Variants in TFAP2C observed in about 807,000 individuals in gnomAD.
TFAP2C encodes transcription factor AP-2 gamma.
Under a neutral mutation model 42.9 loss-of-function variants are expected in TFAP2C, and 9 were observed. That is an observed-to-expected ratio of 0.21 (90% CI 0.13 to 0.37). The LOEUF is 0.37. TFAP2C is among the 10% of genes least tolerant of loss of function. The pLI is 1.00. For missense variants in TFAP2C, 462 were observed against 591.7 expected (o/e 0.78, Z 2.27); for synonymous variants, 264 against 256.0 (o/e 1.03, Z -0.30).
intron 5 of TFAP2C, among the ~76,000 whole-genome samples, chr20:56,635,335 C>T (rs564923304): frequency 1.3e-5 from 2 of 152,210 alleles, no homozygotes; most frequent in African/African-American, 2.4e-5. Context: ...CCCAGGGGGC[C>T]CCTCCACCAT....
In TFAP2C at chr20:56,636,692, C is replaced by G. The variant is rs766003792; in HGVS notation, c.1005C>G (p.Thr335=). Residue 335 remains threonine (T), a synonymous_variant, in exon 6 of 7, where the codon ACC becomes ACG. Transcript: ENST00000201031. The part of the protein sequence containing the change: ...FPSKPVAEYL[T]RPHLGGRNEM... Reference sequence around the variant, plus strand: ...GTAAACCAGTGGCAGAATATTTAACCAGACCTCATCTTGGAGGACGAAATG... The same window carrying G: ...GTAAACCAGTGGCAGAATATTTAACGAGACCTCATCTTGGAGGACGAAATG... The G allele has an allele frequency of 6.2e-6, 10 of 1,614,080 alleles. No individual in the cohort carries two copies. In the South Asian group the frequency reaches 8.8e-5, roughly 14 times the overall value.
In TFAP2C at chr20:56,629,436, G is replaced by GGGCGGC. The variant is rs1411147599; in HGVS notation, c.-105_-100dup. Reference sequence around the variant, plus strand: ...GGACAGCAAGGCCCGCGCGCGGCGGGGGCGGCGGCAGACGCCTGGTCACCG... The same window carrying GGGCGGC: ...GGACAGCAAGGCCCGCGCGCGGCGGGGGCGGCGGCGGCGGCAGACGCCTGGTCACCG... On this transcript the variant is annotated 5_prime_UTR_variant, in exon 1 of 7. Coordinates refer to ENST00000201031, the MANE Select transcript of TFAP2C (RefSeq NM_003222.4). This position sits in a 1 kb window ranked among gnomAD's most constrained non-coding sequence, Gnocchi z 5.9. 1.4e-5 allele frequency: 14 copies of GGGCGGC among 1,027,418 alleles called. No homozygotes were observed. Among genetic ancestry groups the GGGCGGC allele is most frequent in the Non-Finnish European group, 1.7e-5 (13 of 763,708 alleles). The allele number at this position is 1,027,418 out of a possible 1,614,324, so 63.6% of individuals were successfully genotyped here. A position where few individuals can be genotyped will look rare whatever the true frequency, so the allele number is the denominator to read the frequency against.
At position 56,634,239 on chromosome 20, in the gene TFAP2C, A is replaced by T; in HGVS notation, c.893A>T (p.His298Leu). 6.2e-7 allele frequency: 1 copy of T among 1,614,082 alleles called. No individual in the cohort carries two copies. The highest frequency in any genetic ancestry group is 1.1e-5 in the South Asian group (1 of 91,082). ...CCGGCCGGGAGGCGGAAAGCCGCTCATGTGACTCTCCTGACATCCTTAGTA... is the reference window on the plus strand; with the variant it reads ...CCGGCCGGGAGGCGGAAAGCCGCTCTTGTGACTCTCCTGACATCCTTAGTA... ...NLPAGRRKAA[H>L]VTLLTSLVEG... The change falls in exon 5 of 7, where the codon CAT (histidine) becomes CTT (leucine). Residue 298 changes from histidine (H) to leucine (L), a missense_variant. Physicochemically the swap from His to Leu is moderately conservative, Grantham distance 99. Transcript: ENST00000201031.
chr20:56,638,245 T>G lies in TFAP2C; in HGVS notation c.*232T>G, dbSNP rs1435163665. 5.3e-5 allele frequency: 25 copies of G among 468,450 alleles called. No homozygotes were observed. Among genetic ancestry groups the G allele is most frequent in the Non-Finnish European group, 7.5e-6 (2 of 266,534 alleles). 29.0% of individuals were successfully genotyped at this position (468,450 alleles called of 1,614,324 possible). A position where few individuals can be genotyped will look rare whatever the true frequency, so the allele number is the denominator to read the frequency against. Reference sequence around the variant, plus strand: ...CCTATTATCAGAAGGTGACAAGTACTGGCTCTTTATTCATTAAGCTTTTTT... The same window carrying G: ...CCTATTATCAGAAGGTGACAAGTACGGGCTCTTTATTCATTAAGCTTTTTT... On this transcript the variant is annotated 3_prime_UTR_variant, in exon 7 of 7. Transcript: ENST00000201031.
Position 56,633,541 on chromosome 20 carries a change from G to A in TFAP2C, c.775G>A (p.Ala259Thr). Residue 259 changes from alanine (A) to threonine (T), a missense_variant, in exon 4 of 7, where the codon GCC becomes ACC. By Grantham distance (58) the Ala-to-Thr change is moderately conservative. Coordinates refer to ENST00000201031, the MANE Select transcript of TFAP2C (RefSeq NM_003222.4). ...RRLSPPECLNASLLGGVLRRA... is the reference protein window; with the variant it reads ...RRLSPPECLNTSLLGGVLRRA... The stretch of plus-strand genomic sequence containing the variant: ...ACTGTCCCCACCTGAATGCTTAAAT[G>A]CCTCGTTACTGGGAGGTGTTCTCAG... 1.2e-6 allele frequency: 2 copies of A among 1,614,142 alleles called. No individual in the cohort carries two copies. The highest frequency in any genetic ancestry group is 1.7e-6 in the Non-Finnish European group (2 of 1,180,012).
intron 5 of TFAP2C, among the ~76,000 whole-genome samples, chr20:56,635,522 T>G (rs1987567904): frequency 6.6e-6 from 1 of 152,040 alleles, no homozygotes; most frequent in African/African-American, 2.4e-5. Context: ...AAAAGAAACA[T>G]TCTAGAGATC....
intron 3 of TFAP2C, among the ~76,000 whole-genome samples, chr20:56,632,207 G>C (rs1987506434): frequency 6.6e-6 from 1 of 152,238 alleles, no homozygotes; most frequent in African/African-American, 2.4e-5. Context: ...CCTTCGTTGA[G>C]TGGTTGGTTC....
chr20:56,634,817 C>T (rs1398488505), intron 5 of TFAP2C, among the ~76,000 whole-genome samples: 1 of 152,206 alleles, frequency 6.6e-6, no homozygotes, highest in Non-Finnish European at 1.5e-5. Flanking sequence ...CGCACAAGTT[C>T]CTCTTGCCAG....
In TFAP2C at chr20:56,631,671, A is replaced by G. The variant is rs1259446113; in HGVS notation, c.515A>G (p.His172Arg). The G allele has an allele frequency of 6.3e-7, 1 of 1,588,992 alleles. No homozygotes were observed. Among genetic ancestry groups the G allele is most frequent in the Non-Finnish European group, 8.5e-7 (1 of 1,170,036 alleles). Residue 172 changes from histidine (H) to arginine (R), a missense_variant, in exon 2 of 7, where the codon CAC becomes CGC. By Grantham distance (29) the His-to-Arg change is conservative. Around this residue, in one of 5 missense-constraint regions of TFAP2C, gnomAD observed 271 missense variants for 269.7 expected, o/e 1.00. Coordinates refer to ENST00000201031, the MANE Select transcript of TFAP2C (RefSeq NM_003222.4). The surrounding 1 kb of genome is among the most constrained non-coding windows in gnomAD (Gnocchi z 6.1). ...AENLGLHDMP[H>R]QMDEVQNVDD... ...AACCTGGGGCTCCACGACATGCCTC[A>G]CCAGATGGACGAGGTGCAGGTGAGC...
intron 6 of TFAP2C, among the ~76,000 whole-genome samples, chr20:56,637,493 C>G (rs550902407): frequency 6.6e-6 from 1 of 152,224 alleles, no homozygotes; most frequent in African/African-American, 2.4e-5. Context: ...ATCCTGTTGT[C>G]TTTTCTAATT....
rs1987626538 is a variant in TFAP2C, at chr20:56,638,394, A to G, written c.*381A>G. On this transcript the variant is annotated 3_prime_UTR_variant, in exon 7 of 7. Transcript: ENST00000201031. Reference sequence around the variant, plus strand: ...TTGAAATGTCAAATTGATGTGCCCTAGATCAACAGATCAACAATACCTTTT... The same window carrying G: ...TTGAAATGTCAAATTGATGTGCCCTGGATCAACAGATCAACAATACCTTTT... The G allele has an allele frequency of 5.6e-6, 1 of 177,170 alleles. No individual in the cohort carries two copies. The highest frequency in any genetic ancestry group is 1.2e-5 in the Non-Finnish European group (1 of 82,544). 11.0% of individuals were successfully genotyped at this position (177,170 alleles called of 1,614,324 possible). A position where few individuals can be genotyped will look rare whatever the true frequency, so the allele number is the denominator to read the frequency against.
Position 56,633,345 on chromosome 20 carries a change from A to G in TFAP2C, c.587-8A>G. The G allele has an allele frequency of 6.2e-7, 1 of 1,608,482 alleles. No homozygotes were observed. The highest frequency in any genetic ancestry group is 8.5e-7 in the Non-Finnish European group (1 of 1,176,538). On this transcript the variant is annotated splice_region_variant and splice_polypyrimidine_tract_variant and intron_variant, in intron 3 of 6. Transcript: ENST00000201031. ...CTTGTGACTGCCAGCTCTGACCTTC[A>G]TTCACAGGTCCCATTTCCATGACCA...
In TFAP2C at chr20:56,629,721, C is replaced by T; in HGVS notation, c.48+129C>T. 2 of 615,428 alleles carry T rather than the reference C, an allele frequency of 3.2e-6. No homozygotes were observed. Among genetic ancestry groups the T allele is most frequent in the Non-Finnish European group, 4.9e-6 (2 of 411,264 alleles). 38.1% of individuals were successfully genotyped at this position (615,428 alleles called of 1,614,324 possible). On this transcript the variant is annotated intron_variant, in intron 1 of 6. Transcript: ENST00000201031. This position sits in a 1 kb window ranked among gnomAD's most constrained non-coding sequence, Gnocchi z 5.9. ...CTCGGTGGGACGGGATCCACTTCTCCGGACACCCCTTAGTCCATTTCTGCG... is the reference window on the plus strand; with the variant it reads ...CTCGGTGGGACGGGATCCACTTCTCTGGACACCCCTTAGTCCATTTCTGCG...
intron 4 of TFAP2C, among the ~76,000 whole-genome samples, chr20:56,633,806 C>T (rs1987538071): frequency 6.6e-6 from 1 of 152,118 alleles, no homozygotes; most frequent in African/African-American, 2.4e-5. Context: ...GAAGTGATAG[C>T]ATCTGTATTG....
intron 5 of TFAP2C, among the ~76,000 whole-genome samples, chr20:56,634,832 A>G (rs1414097209): frequency 6.6e-6 from 1 of 152,228 alleles, no homozygotes; most frequent in Non-Finnish European, 1.5e-5. Flanking sequence ...TGCCAGTGCT[A>G]AGATAGTAGG....
intron 5 of TFAP2C, 61 bp downstream of exon 5, chr20:56,634,329 T>A: frequency 1.6e-6 from 2 of 1,228,016 alleles, no homozygotes; most frequent in Non-Finnish European, 2.4e-6. Flanking sequence ...TCTTTAATAC[T>A]TATTGCAGAA....
chr20:56,637,644 G>A (rs1568753570), intron 6 of TFAP2C, 84 bp from the exon 7 acceptor site: 21 of 1,397,366 alleles, frequency 1.5e-5, no homozygotes, highest in East Asian at 6.9e-5. Context: ...CCTCCCGGGC[G>A]CCAGCCTCAG....
In TFAP2C at chr20:56,630,696, A is replaced by C. The variant is rs990437025; in HGVS notation, c.49-509A>C. ...GGAGGTCTTTGTCCCGAGGGCGTGG[A>C]AGGGAGGGTCCCGGGGGCGGGGGAG... is the stretch of plus-strand genomic sequence containing the variant. On this transcript the variant is annotated intron_variant, in intron 1 of 6. Coordinates refer to ENST00000201031, the MANE Select transcript of TFAP2C (RefSeq NM_003222.4). The surrounding 1 kb of genome is among the most constrained non-coding windows in gnomAD (Gnocchi z 5.1). 5.1e-6 allele frequency: 5 copies of C among 985,158 alleles called. No homozygotes were observed. In the African/African-American group the frequency reaches 8.7e-5, roughly 17 times the overall value. The allele number at this position is 985,158 out of a possible 1,614,324, so 61.0% of individuals were successfully genotyped here. A position where few individuals can be genotyped will look rare whatever the true frequency, so the allele number is the denominator to read the frequency against.
Position 56,638,149 on chromosome 20 carries a change from C to A in TFAP2C, c.*136C>A. The A allele has an allele frequency of 1.3e-6, 1 of 772,422 alleles. No homozygotes were observed. Among genetic ancestry groups the A allele is most frequent in the Non-Finnish European group, 2.0e-6 (1 of 492,942 alleles). The allele number at this position is 772,422 out of a possible 1,614,324, so 47.8% of individuals were successfully genotyped here. On this transcript the variant is annotated 3_prime_UTR_variant, in exon 7 of 7. Transcript: ENST00000201031. The stretch of plus-strand genomic sequence containing the variant: ...TACCTTACTATTTAAAGAGCCTTCA[C>A]TGGTTCTGCATCACCCGCCCCTGGA...
Sources: allele counts gnomAD v4.1 joint callset (sites outside exome capture counted in the v4.1 genomes callset), GRCh38; gene constraint gnomAD v4.1.1; regional missense constraint gnomAD v4.1.1; non-coding constraint Gnocchi (gnomAD v3.1); transcripts MANE v1.5; gene names NCBI Gene and HGNC (gene_info 2026-07-23, HGNC 2026-07-21).